OLFM1: variants seen among roughly 807,000 people sequenced by gnomAD.
OLFM1 encodes the protein olfactomedin 1.
A neutral mutation model predicts 49.7 loss-of-function variants in OLFM1; 9 were observed. The ratio of observed to expected loss-of-function variants is 0.18; its 90% CI spans 0.11 to 0.32. The LOEUF is 0.32. Among genes scored for constraint, OLFM1 ranks in the 10% least tolerant of loss-of-function variants. The probability of loss-of-function intolerance (pLI) is 1.00; values close to 1 mark genes in which losing one functional copy is unlikely to be tolerated. For missense variants in OLFM1, 369 were observed against 661.8 expected (o/e 0.56, Z 4.85); for synonymous variants, 240 against 271.8 (o/e 0.88, Z 1.15).
In OLFM1 at chr9:135,080,560, C is replaced by T. The variant is rs1316591365; in HGVS notation, c.96+4758C>T. 2.6e-5 allele frequency among the ~76,000 whole-genome samples: 4 copies of T among 152,150 alleles called. No individual in the cohort carries two copies. Among genetic ancestry groups the T allele is most frequent in the African/African-American group, 9.7e-5 (4 of 41,440 alleles). On this transcript the variant is annotated intron_variant, in intron 1 of 5. Transcript: ENST00000252854. This position sits in a 1 kb window ranked among gnomAD's most constrained non-coding sequence, Gnocchi z 4.5. The stretch of plus-strand genomic sequence containing the variant: ...ACACCAGGGGCGCTGAGCTGTCAAT[C>T]CTGCCCATGAGACAGCTGCTCCGTC...
chr9:135,081,881 G>A (rs2119087904), intron 1 of OLFM1, among the ~76,000 whole-genome samples: 2 of 152,318 alleles, frequency 1.3e-5, no homozygotes, highest in South Asian at 4.1e-4. Context: ...CGGGTCCGGT[G>A]ACCCCCTTTG....
At chr9:135,095,072 C>T (rs896636911) in intron 2 of OLFM1, 4 of 152,202 alleles carry the variant, frequency 2.6e-5, no homozygotes, top group African/African-American at 9.6e-5. Context: ...TGCACTAAAA[C>T]TGTTTTTCTT....
chr9:135,116,352 C>T (rs867601489), intron 5 of OLFM1, among the ~76,000 whole-genome samples: 2 of 152,112 alleles, frequency 1.3e-5, no homozygotes, highest in Non-Finnish European at 2.9e-5. Flanking sequence ...GCCTGTGCAC[C>T]GTGTGCCGAT....
At chr9:135,101,134 A>T (rs1441077931) in intron 4 of OLFM1, among the ~76,000 whole-genome samples, 1 of 152,104 alleles carries the variant, frequency 6.6e-6, no homozygotes, top group Non-Finnish European at 1.5e-5. Flanking sequence ...CCTTGCTGGG[A>T]GGTTGCTGAG....
chr9:135,091,538 C>T (rs1830688646), intron 2 of OLFM1, among the ~76,000 whole-genome samples: 1 of 142,202 alleles, frequency 7.0e-6, no homozygotes, highest in Non-Finnish European at 1.5e-5. Context: ...CACAGTCACA[C>T]TCACATAGTC....
At chr9:135,090,852 G>A (rs1830676472) in intron 2 of OLFM1, among the ~76,000 whole-genome samples, 1 of 152,254 alleles carries the variant, frequency 6.6e-6, no homozygotes, top group African/African-American at 2.4e-5. Context: ...TACCTGGCCA[G>A]TGGCTGGACA....
chr9:135,076,101 C>T, intron 1 of OLFM1: 1 of 1,538,740 alleles, frequency 6.5e-7, no homozygotes. Flanking sequence ...CAAAGGGCAG[C>T]ACGAGGGGGT....
chr9:135,078,481 T>C (rs1399889339), intron 1 of OLFM1, among the ~76,000 whole-genome samples: 15 of 152,188 alleles, frequency 9.9e-5, no homozygotes, highest in Admixed American at 6.5e-4. Flanking sequence ...GATGAGACAC[T>C]CAATCAAACA....
intron 5 of OLFM1, among the ~76,000 whole-genome samples, chr9:135,112,756 T>G (rs1017111323): frequency 2.0e-5 from 3 of 152,122 alleles, no homozygotes; most frequent in Non-Finnish European, 2.9e-5. Flanking sequence ...CCTGGGAGGA[T>G]GGCGGCGTGA....
At position 135,076,258 on chromosome 9, in the gene OLFM1, T is replaced by C. The variant is rs188423477; in HGVS notation, c.96+456T>C. On this transcript the variant is annotated intron_variant, in intron 1 of 5. Coordinates refer to the OLFM1 transcript ENST00000252854. ...CCTCCCTTTGGGCATAACGCTGCCC[T>C]TGGGGGCTCCAGAAACAGGCGGTGG... 4.7e-4 allele frequency: 735 copies of C among 1,550,484 alleles called. 3 individuals carry two copies. The African/African-American group carries it at 9.0e-3, about 19-fold the overall frequency.
Position 135,114,693 on chromosome 9 carries a change from G to A in OLFM1, c.784-4811G>A, listed in dbSNP as rs530701648. The stretch of plus-strand genomic sequence containing the variant: ...GATGTGACTGGGCAGCCTGGGGAGG[G>A]AGGGAGGGGCTGGCTGGGCAGCAGA... On this transcript the variant is annotated intron_variant, in intron 5 of 5. Transcript: ENST00000371793. 8.7e-4 allele frequency among the ~76,000 whole-genome samples: 132 copies of A among 151,426 alleles called. 2 individuals carry two copies. The highest frequency in any genetic ancestry group is 3.1e-3 in the African/African-American group (128 of 41,376).
chr9:135,115,015 C>A (rs950855698), intron 5 of OLFM1, among the ~76,000 whole-genome samples: 4 of 152,190 alleles, frequency 2.6e-5, no homozygotes, highest in Middle Eastern at 3.2e-3. Context: ...GCAGGAACAG[C>A]AAGCTTCTCC....
chr9:135,115,361 G>A (rs11787915), intron 5 of OLFM1, among the ~76,000 whole-genome samples: 23,954 of 152,268 alleles, frequency 0.16, 2,179 homozygotes, highest in African/African-American at 0.24. Context: ...GCACAGGGAC[G>A]AGATTGCTTG....
At chr9:135,106,926 C>A in intron 5 of OLFM1, 71 bp downstream of exon 5, 2 of 1,263,376 alleles carry the variant, frequency 1.6e-6, no homozygotes, top group African/African-American at 1.5e-5. Flanking sequence ...GGGCCCCAGA[C>A]ATGGGTACAA....
intron 4 of OLFM1, chr9:135,106,127 C>CCT (rs1052709844): frequency 2.6e-5 from 4 of 152,568 alleles, no homozygotes; most frequent in Non-Finnish European, 5.9e-5. Flanking sequence ...AGCTTGGGCT[C>CCT]CTCCCACTGG....
At chr9:135,101,747 C>T (rs191457524) in intron 4 of OLFM1, among the ~76,000 whole-genome samples, 31 of 152,332 alleles carry the variant, frequency 2.0e-4, no homozygotes, top group Admixed American at 1.5e-3. Flanking sequence ...GCCCCAGCAG[C>T]AAAGCTGAGC....
chr9:135,118,892 TGGGTCTTTGGAGTGCTCGCC>T (rs1472089510), intron 5 of OLFM1, among the ~76,000 whole-genome samples: 8 of 142,858 alleles, frequency 5.6e-5, no homozygotes, highest in Admixed American at 1.4e-4. Context: ...GAGTGCTTAC[TGGGTCTTTGGAGTGCTCGCC>T]GGGTCTTTGG....
At chr9:135,111,079 C>T (rs527782119) in intron 5 of OLFM1, among the ~76,000 whole-genome samples, 5 of 152,230 alleles carry the variant, frequency 3.3e-5, no homozygotes, top group Non-Finnish European at 7.3e-5. Context: ...GAAAATCCCA[C>T]GTTCTCAGTA....
Position 135,080,544 on chromosome 9 carries a change from G to T in OLFM1, c.96+4742G>T, listed in dbSNP as rs12343140. ...GGTGGAGAGGCTCCTGACACCAGGG[G>T]CGCTGAGCTGTCAATCCTGCCCATG... On this transcript the variant is annotated intron_variant, in intron 1 of 5. Transcript: ENST00000252854. The surrounding 1 kb of genome is among the most constrained non-coding windows in gnomAD (Gnocchi z 4.5). Among the ~76,000 whole-genome samples, 1 of 151,918 alleles carries T rather than the reference G, an allele frequency of 6.6e-6. No individual in the cohort carries two copies. Among genetic ancestry groups the T allele is most frequent in the Non-Finnish European group, 1.5e-5 (1 of 68,016 alleles).
Sources: gnomAD v4.1 joint callset for allele counts (sites outside exome capture counted in the v4.1 genomes callset) on GRCh38, gnomAD v4.1.1 for gene constraint, Gnocchi (gnomAD v3.1) non-coding constraint, MANE v1.5 for transcripts, NCBI Gene and HGNC (gene_info 2026-07-23, HGNC 2026-07-21) for gene names.